Variants in MGAT4C observed in about 807,000 individuals in gnomAD.
MGAT4C encodes the protein alpha-1,3-mannosyl-glycoprotein 4-beta-N-acetylglucosaminyltransferase C.
MGAT4C carries 19 observed loss-of-function variants against 40.1 expected under a neutral mutation model. The ratio of observed to expected loss-of-function variants is 0.47; its 90% CI spans 0.33 to 0.70. The LOEUF (loss-of-function observed/expected upper bound fraction) is 0.70, where lower values mean the gene tolerates loss of function less well. MGAT4C is among the 30% of genes least tolerant of loss of function. The pLI, the probability that MGAT4C is intolerant of heterozygous loss-of-function variation, is 0.02. For synonymous variants in MGAT4C, 181 were observed against 187.1 expected, an observed-to-expected ratio of 0.97 and a Z score of 0.27; for missense variants, 491 against 563.2, an observed-to-expected ratio of 0.87 and a Z score of 1.30.
At chr12:86,390,800 T>C (rs1211577014) in intron 3 of MGAT4C, among the ~76,000 whole-genome samples, 2 of 152,124 alleles carry the variant, frequency 1.3e-5, no homozygotes, top group East Asian at 3.8e-4. Flanking sequence ...GGAACAATAA[T>C]TAGTAATAGA....
At chr12:85,999,289 A>G (rs534251082) in intron 2 of MGAT4C, among the ~76,000 whole-genome samples, 28 of 152,230 alleles carry the variant, frequency 1.8e-4, no homozygotes, top group Non-Finnish European at 3.2e-4. Context: ...ACACAGCCAA[A>G]CCATATCAAG....
At chr12:86,711,077 G>A (rs1950547898) in intron 2 of MGAT4C, among the ~76,000 whole-genome samples, 1 of 152,060 alleles carries the variant, frequency 6.6e-6, no homozygotes, top group Non-Finnish European at 1.5e-5. Flanking sequence ...ACTACATATA[G>A]AGTACAGTGT....
At chr12:86,110,653 G>A (rs1358725532) in intron 1 of MGAT4C, among the ~76,000 whole-genome samples, 3 of 151,172 alleles carry the variant, frequency 2.0e-5, no homozygotes, top group Admixed American at 6.6e-5. Context: ...GTAATAAAAC[G>A]TTTCTCTAAA....
intron 2 of MGAT4C, among the ~76,000 whole-genome samples, chr12:86,576,845 C>T (rs1176043780): frequency 6.6e-6 from 1 of 151,634 alleles, no homozygotes; most frequent in East Asian, 1.9e-4. Flanking sequence ...ATCTTATTTT[C>T]TATTTCTATA....
intron 3 of MGAT4C, among the ~76,000 whole-genome samples, chr12:86,413,280 C>T (rs775059710): frequency 8.5e-5 from 13 of 152,244 alleles, no homozygotes; most frequent in Middle Eastern, 3.4e-3. Context: ...GATGACTTCG[C>T]TCTTCTGGGT....
chr12:86,099,982 C>G (rs551861930), intron 1 of MGAT4C, among the ~76,000 whole-genome samples: 4 of 151,418 alleles, frequency 2.6e-5, no homozygotes, highest in African/African-American at 7.2e-5. Context: ...TGTCTGCTCT[C>G]TACATTATGA....
Position 86,826,883 on chromosome 12 carries a change from C to T in MGAT4C, c.-262+11783G>A, listed in dbSNP as rs533925339. ...AGTCTATGTATATTTGTCTAAAATA[C>T]AAAGAAAAATAAAATTTTTTTTGTT... On this transcript the variant is annotated intron_variant, in intron 1 of 7. Transcript: ENST00000548651. Among the ~76,000 whole-genome samples, 3 of 151,226 alleles carry T rather than the reference C, an allele frequency of 2.0e-5. No individual in the cohort carries two copies. The East Asian group carries it at 5.9e-4, about 30-fold the overall frequency.
intron 2 of MGAT4C, among the ~76,000 whole-genome samples, chr12:86,521,752 A>G (rs954306441): frequency 2.0e-5 from 3 of 152,030 alleles, no homozygotes; most frequent in South Asian, 4.2e-4. Flanking sequence ...ATGTTTTCCC[A>G]TTTGGTTGTC....
At chr12:85,986,514 T>C (rs753586669) in intron 3 of MGAT4C, among the ~76,000 whole-genome samples, 5 of 152,210 alleles carry the variant, frequency 3.3e-5, no homozygotes, top group Non-Finnish European at 5.9e-5. Flanking sequence ...TAAGCAAATA[T>C]GCTAAACTGC....
intron 2 of MGAT4C, among the ~76,000 whole-genome samples, chr12:86,446,719 A>G (rs1216335328): frequency 4.0e-4 from 52 of 128,966 alleles, no homozygotes; most frequent in South Asian, 1.0e-3. Context: ...GTGATTAGCC[A>G]TGGTGGAAAG....
intron 1 of MGAT4C, among the ~76,000 whole-genome samples, chr12:86,179,305 A>T (rs553275044): frequency 1.6e-4 from 25 of 152,138 alleles, no homozygotes; most frequent in Non-Finnish European, 3.4e-4. Context: ...GTCCAATTAA[A>T]CTTCTTTTGG....
chr12:86,805,631 G>A (rs1952338790), intron 1 of MGAT4C, among the ~76,000 whole-genome samples: 2 of 151,984 alleles, frequency 1.3e-5, no homozygotes, highest in African/African-American at 4.8e-5. Flanking sequence ...TAGGCACCTA[G>A]GTTGATTTCA....
intron 2 of MGAT4C, among the ~76,000 whole-genome samples, chr12:86,715,611 C>T (rs181343555): frequency 2.1e-4 from 32 of 152,180 alleles, no homozygotes; most frequent in South Asian, 1.2e-3. Flanking sequence ...AAGCTTCAAT[C>T]GCAAAGCTGA....
At position 86,275,012 on chromosome 12, in the gene MGAT4C, C is replaced by T. The variant is rs548187450; in HGVS notation, c.-57+59053G>A. Among the ~76,000 whole-genome samples the T allele has an allele frequency of 5.3e-5, 8 of 152,236 alleles. No individual in the cohort carries two copies. In the East Asian group the frequency reaches 1.4e-3, roughly 26 times the overall value. ...CCACAGACATTTTAGCATTGCCACTCGGGTTTTGGGAAACTGAAGTTGTTT... is the reference window on the plus strand; with the variant it reads ...CCACAGACATTTTAGCATTGCCACTTGGGTTTTGGGAAACTGAAGTTGTTT... On this transcript the variant is annotated intron_variant, in intron 4 of 7. Transcript: ENST00000548651.
rs532585799 is a variant in MGAT4C at position 86,042,179 on chromosome 12, A to G, written c.-7+7495T>C. ...TTCCTTGGCAGATTTTTCTCCATCC[A>G]TTAACTTTAATCCTATGGATGACAC... On this transcript the variant is annotated intron_variant, in intron 2 of 4. Transcript: ENST00000611864. Among the ~76,000 whole-genome samples, 6 of 152,292 alleles carry G rather than the reference A, an allele frequency of 3.9e-5. No individual in the cohort carries two copies. The South Asian group carries it at 1.2e-3, about 32-fold the overall frequency.
At chr12:86,639,048 A>G (rs900753020) in intron 2 of MGAT4C, among the ~76,000 whole-genome samples, 3 of 151,774 alleles carry the variant, frequency 2.0e-5, no homozygotes, top group African/African-American at 7.2e-5. Flanking sequence ...AAAAATAACA[A>G]TTTGAAAATC....
intron 2 of MGAT4C, among the ~76,000 whole-genome samples, chr12:86,483,227 C>T (rs1957964735): frequency 6.6e-6 from 1 of 151,978 alleles, no homozygotes. Flanking sequence ...AGCTACCACC[C>T]AAAAAGTCCC....
At chr12:86,652,209 C>T (rs1451800897) in intron 2 of MGAT4C, among the ~76,000 whole-genome samples, 1 of 151,736 alleles carries the variant, frequency 6.6e-6, no homozygotes, top group Non-Finnish European at 1.5e-5. Context: ...GAAATACAAA[C>T]CTAATTTTTA....
At chr12:86,432,901 C>A (rs1338128093) in intron 3 of MGAT4C, among the ~76,000 whole-genome samples, 1 of 150,926 alleles carries the variant, frequency 6.6e-6, no homozygotes, top group Non-Finnish European at 1.5e-5. Context: ...CTTTTTTTTT[C>A]ATAAAATTGA....
Sources: gnomAD v4.1 joint callset for allele counts (sites outside exome capture counted in the v4.1 genomes callset) on GRCh38, gnomAD v4.1.1 for gene constraint, MANE v1.5 for transcripts, NCBI Gene and HGNC (gene_info 2026-07-23, HGNC 2026-07-21) for gene names.